Variants in CAB39 observed in about 807,000 individuals in gnomAD.
CAB39 encodes calcium binding protein 39.
A neutral mutation model predicts 40.0 loss-of-function variants in CAB39; 8 were observed. That is an observed-to-expected ratio of 0.20 (90% CI 0.12 to 0.36). The LOEUF (loss-of-function observed/expected upper bound fraction) is 0.36. Among genes scored for constraint, CAB39 ranks in the 10% least tolerant of loss-of-function variants. CAB39 has a pLI of 1.00. For synonymous variants in CAB39, 156 were observed against 141.6 expected (o/e 1.10, Z -0.72); for missense variants, 270 against 401.1 (o/e 0.67, Z 2.79).
At chr2:230,777,534 C>T (rs1415806376) in intron 2 of CAB39, among the ~76,000 whole-genome samples, 2 of 151,766 alleles carry the variant, frequency 1.3e-5, no homozygotes, top group Non-Finnish European at 2.9e-5. Context: ...ATTCTTGTGC[C>T]TCAGCCTCCC....
At chr2:230,817,936 A>G (rs752743760) in intron 8 of CAB39, 39 bp downstream of exon 8, 1 of 1,563,946 alleles carries the variant, frequency 6.4e-7, no homozygotes, top group Non-Finnish European at 8.6e-7. Context: ...GTCCACTGGA[A>G]TTGTTCGTCG....
rs759129164 is a variant in CAB39, at chr2:230,814,042, C to A, written c.628-7C>A. The A allele has an allele frequency of 1.9e-5, 5 of 263,488 alleles. No homozygotes were observed. The highest frequency in any genetic ancestry group is 3.1e-5 in the Non-Finnish European group (5 of 161,588). 16.3% of individuals were successfully genotyped at this position (263,488 alleles called of 1,614,324 possible). The stretch of plus-strand genomic sequence containing the variant: ...ATAACCCTGATTTATGTTCTCTTAT[C>A]TTTTAGTTTTTCAGTGAATATGAGA... On this transcript the variant is annotated splice_region_variant and splice_polypyrimidine_tract_variant and intron_variant, in intron 6 of 8. Coordinates refer to ENST00000258418, the MANE Select transcript of CAB39 (RefSeq NM_016289.4).
chr2:230,799,178 A>C, intron 5 of CAB39: 1 of 277,516 alleles, frequency 3.6e-6, no homozygotes, highest in Non-Finnish European at 6.6e-6. Flanking sequence ...ACTGTACAGC[A>C]TATGTAACAA....
At chr2:230,762,197 C>T (rs536584442) in intron 2 of CAB39, among the ~76,000 whole-genome samples, 8 of 152,186 alleles carry the variant, frequency 5.3e-5, no homozygotes, top group Admixed American at 2.0e-4. Flanking sequence ...TGTGAACCAC[C>T]GTGCCCAGCT....
chr2:230,716,076 T>C (rs1277939501), intron 1 of CAB39, among the ~76,000 whole-genome samples: 2 of 152,216 alleles, frequency 1.3e-5, no homozygotes, highest in Non-Finnish European at 2.9e-5. Context: ...ACTAAGTCAG[T>C]TTTTTCCCAT....
At chr2:230,772,247 C>T (rs1328714306) in intron 2 of CAB39, among the ~76,000 whole-genome samples, 1 of 152,036 alleles carries the variant, frequency 6.6e-6, no homozygotes, top group African/African-American at 2.4e-5. Flanking sequence ...TAAGAGTGGG[C>T]AAGATACTCA....
At chr2:230,726,821 G>A (rs1167083296) in intron 1 of CAB39, among the ~76,000 whole-genome samples, 1 of 151,558 alleles carries the variant, frequency 6.6e-6, no homozygotes, top group Non-Finnish European at 1.5e-5. Flanking sequence ...TACAGAAGCT[G>A]AAAGGGAGGG....
rs1694523165 is a variant in CAB39 at position 230,724,660 on chromosome 2, A to C, written c.-44+11430A>C. On this transcript the variant is annotated intron_variant, in intron 1 of 8. Coordinates refer to ENST00000258418, the MANE Select transcript of CAB39 (RefSeq NM_016289.4). ...CGCGCCATTGCACTCCAGCCTGGGCAACAAAGAGTGAAACTCCATCTAAAA... is the reference window on the plus strand; with the variant it reads ...CGCGCCATTGCACTCCAGCCTGGGCCACAAAGAGTGAAACTCCATCTAAAA... Among the ~76,000 whole-genome samples the C allele has an allele frequency of 2.0e-5, 3 of 151,394 alleles. No homozygotes were observed. The South Asian group carries it at 6.3e-4, about 32-fold the overall frequency.
At chr2:230,798,663 T>C (rs533793550) in intron 4 of CAB39, 66 bp from the exon 5 acceptor site, 1 of 1,380,568 alleles carries the variant, frequency 7.2e-7, no homozygotes, top group Non-Finnish European at 1.0e-6. Flanking sequence ...GTTTGAACTG[T>C]TCAGTGTTGG....
rs1441519279 is a variant in CAB39, at chr2:230,769,638, C to T, written c.114+9523C>T. ...TAGAAAATCCCAAAATATTTAGGAACTAAATATCGTACTTCTAGATAACTC... is the reference window on the plus strand; with the variant it reads ...TAGAAAATCCCAAAATATTTAGGAATTAAATATCGTACTTCTAGATAACTC... On this transcript the variant is annotated intron_variant, in intron 2 of 8. Coordinates refer to ENST00000258418, the MANE Select transcript of CAB39 (RefSeq NM_016289.4). 2.0e-5 allele frequency among the ~76,000 whole-genome samples: 3 copies of T among 152,008 alleles called. No homozygotes were observed. The East Asian group carries it at 5.8e-4, about 29-fold the overall frequency.
chr2:230,730,536 C>T (rs1034210111), intron 1 of CAB39, among the ~76,000 whole-genome samples: 2 of 151,448 alleles, frequency 1.3e-5, no homozygotes, highest in African/African-American at 4.9e-5. Flanking sequence ...CCTCCGCCTC[C>T]TGGGTTCAAG....
At chr2:230,718,712 G>T (rs942765014) in intron 1 of CAB39, among the ~76,000 whole-genome samples, 1 of 152,116 alleles carries the variant, frequency 6.6e-6, no homozygotes, top group Non-Finnish European at 1.5e-5. Flanking sequence ...GCTTTTCCAG[G>T]GGGGAGAAAC....
At chr2:230,805,377 T>C (rs1222774459) in intron 5 of CAB39, among the ~76,000 whole-genome samples, 2 of 151,924 alleles carry the variant, frequency 1.3e-5, no homozygotes, top group Admixed American at 6.6e-5. Flanking sequence ...TGTGTACATG[T>C]ACCCTAGAAC....
In CAB39 at chr2:230,755,981, TCA is replaced by T. The variant is rs1444413820; in HGVS notation, c.-43-3975_-43-3974del. Reference sequence around the variant, plus strand: ...CCCATGTGCTGCACATCCTTCAAGGTCACAGAGCACTCTGAATGGCTTGATGG... The same window carrying T: ...CCCATGTGCTGCACATCCTTCAAGGTCAGAGCACTCTGAATGGCTTGATGG... On this transcript the variant is annotated intron_variant, in intron 1 of 8. Coordinates refer to ENST00000258418, the MANE Select transcript of CAB39 (RefSeq NM_016289.4). 2.6e-5 allele frequency among the ~76,000 whole-genome samples: 4 copies of T among 152,286 alleles called. No individual in the cohort carries two copies. In the East Asian group the frequency reaches 7.7e-4, roughly 29 times the overall value.
intron 2 of CAB39, among the ~76,000 whole-genome samples, chr2:230,782,980 T>TTTTTTG (rs112776434): frequency 0.18 from 27,096 of 147,686 alleles, 4,978 homozygotes; most frequent in African/African-American, 0.48. Flanking sequence ...GCCTGGCTAA[T>TTTTTTG]TTTTTGTTTT....
At chr2:230,755,290 T>C (rs1695170730) in intron 1 of CAB39, among the ~76,000 whole-genome samples, 1 of 152,214 alleles carries the variant, frequency 6.6e-6, no homozygotes, top group South Asian at 2.1e-4. Flanking sequence ...ACCGCATCCA[T>C]TCCAATATAT....
intron 1 of CAB39, among the ~76,000 whole-genome samples, chr2:230,733,029 C>G (rs1393700330): frequency 6.6e-6 from 1 of 151,952 alleles, no homozygotes; most frequent in African/African-American, 2.4e-5. Context: ...TGCAGGTTAC[C>G]CTGTTGCACC....
intron 5 of CAB39, among the ~76,000 whole-genome samples, chr2:230,807,942 A>T (rs1246145198): frequency 6.6e-6 from 1 of 152,122 alleles, no homozygotes; most frequent in African/African-American, 2.4e-5. Context: ...AGTCGCAAAA[A>T]GTTAGAAGCA....
chr2:230,801,346 A>G (rs1340925514), intron 5 of CAB39, among the ~76,000 whole-genome samples: 1 of 152,254 alleles, frequency 6.6e-6, no homozygotes, highest in East Asian at 1.9e-4. Flanking sequence ...GCTGCACACC[A>G]GAGGCGCTGA....
Sources: gnomAD v4.1 joint callset for allele counts (sites outside exome capture counted in the v4.1 genomes callset) on GRCh38, gnomAD v4.1.1 for gene constraint, MANE v1.5 for transcripts, NCBI Gene and HGNC (gene_info 2026-07-23, HGNC 2026-07-21) for gene names.